The following TMCC1 variants were observed in gnomAD, a reference collection of about 807,000 sequenced individuals.
TMCC1 encodes the protein transmembrane and coiled-coil domains protein 1.
A neutral mutation model predicts 52.4 loss-of-function variants in TMCC1; 15 were observed. The ratio of observed to expected loss-of-function variants is 0.29; its 90% CI spans 0.19 to 0.44. TMCC1 has a LOEUF of 0.44. Ranked by LOEUF, TMCC1 falls within the 20% of genes least tolerant of loss-of-function variation. The pLI is 1.00. For synonymous variants in TMCC1, 279 were observed against 301.9 expected (o/e 0.92, Z 0.79); for missense variants, 503 against 806.0 (o/e 0.62, Z 4.55).
chr3:129,829,702 T>C (rs542066595), intron 3 of TMCC1, among the ~76,000 whole-genome samples: 150 of 152,318 alleles, frequency 9.8e-4, no homozygotes, highest in African/African-American at 3.4e-3. Flanking sequence ...CCACTACCAA[T>C]GAAGCACCAT....
chr3:129,875,217 G>A (rs1434505587), intron 2 of TMCC1, among the ~76,000 whole-genome samples: 6 of 151,414 alleles, frequency 4.0e-5, no homozygotes, highest in African/African-American at 1.2e-4. Flanking sequence ...GGCCAGGTGC[G>A]GTGGCTCACA....
chr3:129,703,235 C>A (rs1225813877), intron 4 of TMCC1, among the ~76,000 whole-genome samples: 2 of 152,092 alleles, frequency 1.3e-5, no homozygotes, highest in African/African-American at 4.8e-5. Context: ...GAGATGTAAC[C>A]AAGAAAGAAT....
chr3:129,746,578 C>A (rs1358881340), intron 4 of TMCC1, among the ~76,000 whole-genome samples: 1 of 152,172 alleles, frequency 6.6e-6, no homozygotes, highest in Non-Finnish European at 1.5e-5. Flanking sequence ...CACATTTATA[C>A]TCTGCCTCAC....
chr3:129,877,785 C>T (rs1335574000), intron 2 of TMCC1, among the ~76,000 whole-genome samples: 2 of 150,282 alleles, frequency 1.3e-5, no homozygotes, highest in African/African-American at 2.4e-5. Flanking sequence ...TGTGCCACCA[C>T]GCACAACTAA....
intron 5 of TMCC1, among the ~76,000 whole-genome samples, chr3:129,660,452 C>T (rs960714454): frequency 6.6e-6 from 1 of 152,186 alleles, no homozygotes; most frequent in African/African-American, 2.4e-5. Context: ...TGTCCATGGC[C>T]TTAAGTCTTC....
chr3:129,813,672 T>A (rs1367565421), intron 4 of TMCC1, among the ~76,000 whole-genome samples: 1 of 151,956 alleles, frequency 6.6e-6, no homozygotes, highest in Admixed American at 6.6e-5. Flanking sequence ...AGGGTGAGGA[T>A]CGAAAAACTA....
At chr3:129,757,118 A>T (rs999222886) in intron 4 of TMCC1, among the ~76,000 whole-genome samples, 1 of 152,102 alleles carries the variant, frequency 6.6e-6, no homozygotes, top group Non-Finnish European at 1.5e-5. Context: ...TCATAATAAA[A>T]CCTAACAGTC....
chr3:129,863,527 G>T lies in TMCC1; in HGVS notation c.-184+16782C>A, dbSNP rs549555226. Among the ~76,000 whole-genome samples, 4 of 152,174 alleles carry T rather than the reference G, an allele frequency of 2.6e-5. No individual in the cohort carries two copies. In the South Asian group the frequency reaches 8.3e-4, roughly 32 times the overall value. On this transcript the variant is annotated intron_variant, in intron 2 of 6. Transcript: ENST00000393238. ...AAAAGGGGAAAAGGGCAGAATAAAAGAATAAGGGGAAAAAGAACAGAACCA... is the reference window on the plus strand; with the variant it reads ...AAAAGGGGAAAAGGGCAGAATAAAATAATAAGGGGAAAAAGAACAGAACCA...
At chr3:129,758,962 T>C (rs1186492513) in intron 4 of TMCC1, among the ~76,000 whole-genome samples, 1 of 152,198 alleles carries the variant, frequency 6.6e-6, no homozygotes, top group Non-Finnish European at 1.5e-5. Flanking sequence ...TCCATCTATA[T>C]TGCAGTATGT....
intron 4 of TMCC1, among the ~76,000 whole-genome samples, chr3:129,823,697 C>T (rs1313394281): frequency 6.6e-6 from 1 of 152,110 alleles, no homozygotes; most frequent in Admixed American, 6.5e-5. Flanking sequence ...ACAATCTTGG[C>T]CTATCCCTCC....
chr3:129,840,616 C>T (rs144038517), intron 2 of TMCC1, among the ~76,000 whole-genome samples: 4 of 152,100 alleles, frequency 2.6e-5, no homozygotes, highest in East Asian at 1.9e-4. Flanking sequence ...TGGTGGGAGG[C>T]GACTGGATCA....
intron 4 of TMCC1, among the ~76,000 whole-genome samples, chr3:129,703,392 C>T (rs1020435541): frequency 1.3e-5 from 2 of 152,186 alleles, no homozygotes; most frequent in African/African-American, 4.8e-5. Flanking sequence ...ACAACTACAA[C>T]TACAGTATTC....
chr3:129,881,000 A>G (rs1467393776), intron 1 of TMCC1, among the ~76,000 whole-genome samples: 2 of 151,936 alleles, frequency 1.3e-5, no homozygotes, highest in African/African-American at 2.4e-5. Context: ...AGTAGCTGGC[A>G]TAACAGGCGC....
intron 2 of TMCC1, among the ~76,000 whole-genome samples, chr3:129,835,227 T>C (rs957582112): frequency 6.6e-6 from 1 of 152,168 alleles, no homozygotes; most frequent in Admixed American, 6.5e-5. Flanking sequence ...AAGATCTTAT[T>C]ATGACCACTG....
chr3:129,794,543 C>T (rs372745645), intron 4 of TMCC1, among the ~76,000 whole-genome samples: 1 of 102,236 alleles, frequency 9.8e-6, no homozygotes, highest in Admixed American at 1.4e-4. Context: ...GGAAAACCTA[C>T]GTGGGAGAGG....
At chr3:129,735,974 T>C (rs1054320419) in intron 4 of TMCC1, among the ~76,000 whole-genome samples, 1 of 152,122 alleles carries the variant, frequency 6.6e-6, no homozygotes, top group African/African-American at 2.4e-5. Flanking sequence ...CTACATGGAG[T>C]AGAGCCGAAA....
intron 4 of TMCC1, among the ~76,000 whole-genome samples, chr3:129,758,707 C>T (rs2053233171): frequency 6.6e-6 from 1 of 152,156 alleles, no homozygotes; most frequent in South Asian, 2.1e-4. Flanking sequence ...AATTTACCAT[C>T]CTAACCGTTT....
intron 4 of TMCC1, among the ~76,000 whole-genome samples, chr3:129,731,496 T>C (rs991701330): frequency 3.9e-5 from 6 of 152,234 alleles, no homozygotes; most frequent in African/African-American, 1.4e-4. Flanking sequence ...AAGAATCACT[T>C]GAACCCAGGA....
chr3:129,821,585 G>A (rs1005593900), intron 4 of TMCC1, among the ~76,000 whole-genome samples: 1 of 152,086 alleles, frequency 6.6e-6, no homozygotes, highest in African/African-American at 2.4e-5. Context: ...GTTTCTTGGT[G>A]TCTTAAGGCA....
Sources: allele counts gnomAD v4.1 joint callset (sites outside exome capture counted in the v4.1 genomes callset), GRCh38; gene constraint gnomAD v4.1.1; transcripts MANE v1.5; gene names NCBI Gene and HGNC (gene_info 2026-07-23, HGNC 2026-07-21).